Variants in CHD9NB observed in about 807,000 individuals in gnomAD.
CHD9NB encodes the protein CHD9 neighbor protein.
At chr16:53,039,989 T>C in the CHD9NB span, among the ~76,000 whole-genome samples, 1 of 152,120 alleles carries the variant, frequency 6.6e-6, no homozygotes, top group Admixed American at 6.6e-5. Flanking sequence ...GCATCATTCT[T>C]CTGCCGAAAG....
At chr16:53,048,060 A>AAAGG in the CHD9NB span, among the ~76,000 whole-genome samples, 17 of 150,430 alleles carry the variant, frequency 1.1e-4, no homozygotes, top group South Asian at 2.1e-4. Context: ...GGGAGGGAGG[A>AAAGG]AAGGAAGGAA....
chr16:53,041,096 G>A, the CHD9NB span, among the ~76,000 whole-genome samples: 1 of 152,258 alleles, frequency 6.6e-6, no homozygotes, highest in South Asian at 2.1e-4. Context: ...GATGGATAAT[G>A]GATGGAAAGA....
the CHD9NB span, among the ~76,000 whole-genome samples, chr16:53,041,951 C>T: frequency 6.6e-6 from 1 of 152,132 alleles, no homozygotes; most frequent in Non-Finnish European, 1.5e-5. Context: ...GCTGACAGGG[C>T]CCCCATCCCT....
At chr16:53,048,240 C>T in the CHD9NB span, among the ~76,000 whole-genome samples, 1 of 151,980 alleles carries the variant, frequency 6.6e-6, no homozygotes, top group African/African-American at 2.4e-5. Context: ...CCCATCTCTA[C>T]AAAAAACAGA....
At chr16:53,048,304 G>A in the CHD9NB span, among the ~76,000 whole-genome samples, 1 of 152,072 alleles carries the variant, frequency 6.6e-6, no homozygotes, top group Non-Finnish European at 1.5e-5. Context: ...TACTACAGTG[G>A]CTGCAGTGGG....
the CHD9NB span, chr16:53,042,800 T>G: frequency 2.0e-5 from 3 of 152,258 alleles, no homozygotes; most frequent in Admixed American, 2.0e-4. Flanking sequence ...TAAGAAGCAC[T>G]CTACATGCGT....
chr16:53,050,361 AGC>A, the CHD9NB span, among the ~76,000 whole-genome samples: 13 of 152,218 alleles, frequency 8.5e-5, no homozygotes, highest in East Asian at 2.5e-3. Flanking sequence ...ATAAAAAATT[AGC>A]CAGACATGAT....
chr16:53,048,176 G>A, the CHD9NB span, among the ~76,000 whole-genome samples: 23 of 152,282 alleles, frequency 1.5e-4, no homozygotes, highest in African/African-American at 5.5e-4. Context: ...GGCTGAGGCA[G>A]GCAAGTCACT....
At chr16:53,048,535 A>G in the CHD9NB span, among the ~76,000 whole-genome samples, 2 of 152,224 alleles carry the variant, frequency 1.3e-5, no homozygotes, top group African/African-American at 4.8e-5. Context: ...AGTACTCGAG[A>G]TCATTTAAAA....
At chr16:53,050,067 G>GCT in the CHD9NB span, among the ~76,000 whole-genome samples, 3 of 152,082 alleles carry the variant, frequency 2.0e-5, no homozygotes, top group Non-Finnish European at 4.4e-5. Context: ...AGCCAGTCGT[G>GCT]GTGGTAGGTG....
At chr16:53,040,853 G>T in the CHD9NB span, among the ~76,000 whole-genome samples, 1 of 152,228 alleles carries the variant, frequency 6.6e-6, no homozygotes, top group Non-Finnish European at 1.5e-5. Context: ...TAGATGAATG[G>T]ATGGAAAGAT....
At chr16:53,042,613 AAAT>A in the CHD9NB span, 1 of 151,432 alleles carries the variant, frequency 6.6e-6, no homozygotes, top group Non-Finnish European at 1.5e-5. Context: ...ACCAGAGTAA[AAAT>A]AAAAAGTCCC....
At chr16:53,040,605 G>A in the CHD9NB span, among the ~76,000 whole-genome samples, 1 of 152,130 alleles carries the variant, frequency 6.6e-6, no homozygotes, top group Non-Finnish European at 1.5e-5. Context: ...GTTCCAGGCG[G>A]TACTCCCACA....
At chr16:53,051,224 G>A in the CHD9NB span, among the ~76,000 whole-genome samples, 1 of 152,014 alleles carries the variant, frequency 6.6e-6, no homozygotes, top group Non-Finnish European at 1.5e-5. Context: ...CACTCTAGAA[G>A]ATAAATATTC....
At chr16:53,039,123 T>C in the CHD9NB span, among the ~76,000 whole-genome samples, 8 of 152,132 alleles carry the variant, frequency 5.3e-5, no homozygotes, top group African/African-American at 1.4e-4. Context: ...CTACCTAATA[T>C]ACAAATCTAA....
the CHD9NB span, among the ~76,000 whole-genome samples, chr16:53,041,496 A>G: frequency 1.3e-5 from 2 of 152,208 alleles, no homozygotes; most frequent in African/African-American, 4.8e-5. Flanking sequence ...TAATTAAATG[A>G]GCATTTTATT....
the CHD9NB span, among the ~76,000 whole-genome samples, chr16:53,048,687 T>C: frequency 2.6e-5 from 4 of 152,202 alleles, no homozygotes; most frequent in African/African-American, 9.7e-5. Flanking sequence ...TACAGAACTT[T>C]AATCGCAATT....
the CHD9NB span, among the ~76,000 whole-genome samples, chr16:53,045,905 AC>A: frequency 1.3e-5 from 2 of 151,374 alleles, no homozygotes; most frequent in African/African-American, 2.4e-5. Flanking sequence ...TCCCACTCCA[AC>A]CCCCTTTCTG....
the CHD9NB span, among the ~76,000 whole-genome samples, chr16:53,038,069 T>C: frequency 6.6e-6 from 1 of 152,202 alleles, no homozygotes; most frequent in Non-Finnish European, 1.5e-5. Flanking sequence ...GCCACTGGTC[T>C]AAGTCCTGGA....
Sources: gnomAD v4.1 joint callset for allele counts (sites outside exome capture counted in the v4.1 genomes callset) on GRCh38, gnomAD v4.1.1 for gene constraint, MANE v1.5 for transcripts, NCBI Gene and HGNC (gene_info 2026-07-23, HGNC 2026-07-21) for gene names.